CDH13: variants seen among roughly 807,000 people sequenced by gnomAD.
CDH13 encodes the protein cadherin 13.
In CDH13, 24 loss-of-function variants were observed where a neutral mutation model predicts 63.8. The ratio of observed to expected loss-of-function variants is 0.38; its 90% CI spans 0.27 to 0.53. The LOEUF is 0.53. Among genes scored for constraint, CDH13 ranks in the 20% least tolerant of loss-of-function variants. CDH13 has a pLI of 0.85. For synonymous variants in CDH13, 503 were observed against 355.3 expected (o/e 1.42, Z -4.67); for missense variants, 1,049 against 903.1 (o/e 1.16, Z -2.07).
At chr16:83,388,983 G>C (rs918692591) in intron 6 of CDH13, among the ~76,000 whole-genome samples, 5 of 152,150 alleles carry the variant, frequency 3.3e-5, no homozygotes, top group Non-Finnish European at 7.4e-5. Flanking sequence ...CAGGGCGCTT[G>C]TGAAAAACCC....
intron 6 of CDH13, among the ~76,000 whole-genome samples, chr16:83,479,959 A>G (rs1358198838): frequency 2.0e-5 from 3 of 152,202 alleles, no homozygotes; most frequent in Non-Finnish European, 4.4e-5. Flanking sequence ...GTTAATGGAA[A>G]CACAAGAGGC....
intron 1 of CDH13, among the ~76,000 whole-genome samples, chr16:82,795,416 A>G (rs62036786): frequency 0.036 from 5,413 of 152,220 alleles, 155 homozygotes; most frequent in Admixed American, 0.061. Context: ...CAATGCATCA[A>G]CCTGGGCCCG....
intron 5 of CDH13, among the ~76,000 whole-genome samples, chr16:83,253,291 C>T (rs1030855743): frequency 2.5e-4 from 38 of 152,118 alleles, no homozygotes; most frequent in African/African-American, 8.4e-4. Context: ...GCTGCTAGGG[C>T]GGGGTACCTG....
At chr16:82,672,015 C>G (rs559660287) in intron 1 of CDH13, among the ~76,000 whole-genome samples, 1 of 152,234 alleles carries the variant, frequency 6.6e-6, no homozygotes, top group East Asian at 1.9e-4. Flanking sequence ...GGCATCATTT[C>G]CAGAATGCCC....
At chr16:82,735,153 G>A (rs1349808231) in intron 1 of CDH13, among the ~76,000 whole-genome samples, 1 of 152,182 alleles carries the variant, frequency 6.6e-6, no homozygotes, top group Non-Finnish European at 1.5e-5. Flanking sequence ...AAGCCAAGGG[G>A]AAAGGCTTCA....
chr16:82,826,108 G>C (rs1241172113), intron 1 of CDH13: 1 of 152,152 alleles, frequency 6.6e-6, no homozygotes, highest in Non-Finnish European at 1.5e-5. Flanking sequence ...GCCCACCTCA[G>C]CCTCCCAAAG....
intron 4 of CDH13, among the ~76,000 whole-genome samples, chr16:83,216,449 A>AT (rs2039532664): frequency 3.5e-5 from 1 of 28,742 alleles, no homozygotes; most frequent in Non-Finnish European, 9.5e-5. Context: ...TATATACACA[A>AT]CCCTAATTTG....
rs944147823 is a variant in CDH13, at chr16:83,052,498, T to C, written c.366+20280T>C. On this transcript the variant is annotated intron_variant, in intron 3 of 13. Coordinates refer to ENST00000567109, the MANE Select transcript of CDH13 (RefSeq NM_001257.5). ...AATGGAACTTTCAGAAATAAAACCT[T>C]GGCTGTTGTGGTGGCTCACGCCTGT... is the stretch of plus-strand genomic sequence containing the variant. 2.3e-4 allele frequency among the ~76,000 whole-genome samples: 35 copies of C among 152,158 alleles called. 1 individual carries two copies. Among genetic ancestry groups the C allele is most frequent in the African/African-American group, 8.4e-4 (35 of 41,528 alleles).
chr16:82,850,385 G>T (rs1179667813), intron 1 of CDH13, among the ~76,000 whole-genome samples: 1 of 152,240 alleles, frequency 6.6e-6, no homozygotes, highest in Non-Finnish European at 1.5e-5. Context: ...GCTTGAATAT[G>T]TGTGTGAATT....
intron 7 of CDH13, among the ~76,000 whole-genome samples, chr16:83,515,296 A>G (rs895107386): frequency 6.6e-6 from 1 of 152,150 alleles, no homozygotes; most frequent in African/African-American, 2.4e-5. Flanking sequence ...AACCACCACT[A>G]CAAAATTCAT....
At chr16:82,799,126 C>A (rs8057489) in intron 1 of CDH13, among the ~76,000 whole-genome samples, 38,884 of 151,992 alleles carry the variant, frequency 0.26, 5,890 homozygotes, top group South Asian at 0.41. Context: ...AATTATATAT[C>A]CCCCTAAAAT....
At chr16:83,761,630 C>G (rs1045113831) in intron 11 of CDH13, among the ~76,000 whole-genome samples, 1 of 152,188 alleles carries the variant, frequency 6.6e-6, no homozygotes, top group Admixed American at 6.5e-5. Flanking sequence ...AACTCCGAGA[C>G]TGGCACGAGA....
intron 2 of CDH13, among the ~76,000 whole-genome samples, chr16:82,947,475 T>C (rs904322470): frequency 6.6e-6 from 1 of 152,218 alleles, no homozygotes; most frequent in Non-Finnish European, 1.5e-5. Flanking sequence ...TTAACTACGA[T>C]AATTATCTTA....
intron 1 of CDH13, among the ~76,000 whole-genome samples, chr16:82,683,942 C>T (rs1396564649): frequency 1.3e-5 from 2 of 152,224 alleles, no homozygotes; most frequent in Non-Finnish European, 2.9e-5. Context: ...AAACATGACA[C>T]ATTAACCTTT....
chr16:83,142,860 T>C (rs1171685597), intron 4 of CDH13, among the ~76,000 whole-genome samples: 1 of 152,116 alleles, frequency 6.6e-6, no homozygotes, highest in Non-Finnish European at 1.5e-5. Flanking sequence ...CCCAGCCCTT[T>C]GGGAGGCCGA....
At chr16:83,142,018 T>A (rs1426883758) in intron 4 of CDH13, among the ~76,000 whole-genome samples, 1 of 152,188 alleles carries the variant, frequency 6.6e-6, no homozygotes, top group Non-Finnish European at 1.5e-5. Flanking sequence ...AGTGGGGATG[T>A]ACCAGTACAA....
intron 2 of CDH13, among the ~76,000 whole-genome samples, chr16:82,900,940 G>C (rs1017600814): frequency 6.6e-6 from 1 of 152,168 alleles, no homozygotes; most frequent in Non-Finnish European, 1.5e-5. Context: ...CCAGGAATGG[G>C]GCCTTCATGG....
intron 6 of CDH13, among the ~76,000 whole-genome samples, chr16:83,464,277 C>A (rs1452877919): frequency 6.6e-6 from 1 of 152,012 alleles, no homozygotes; most frequent in Non-Finnish European, 1.5e-5. Flanking sequence ...CTTTGGGAGG[C>A]CAAGGTGGGT....
chr16:82,851,481 T>C (rs1410670966), intron 1 of CDH13, among the ~76,000 whole-genome samples: 1 of 150,544 alleles, frequency 6.6e-6, no homozygotes. Flanking sequence ...AAAGCAACAA[T>C]GGGACCGACG....
Sources: gnomAD v4.1 joint callset for allele counts (sites outside exome capture counted in the v4.1 genomes callset) on GRCh38, gnomAD v4.1.1 for gene constraint, MANE v1.5 for transcripts, NCBI Gene and HGNC (gene_info 2026-07-23, HGNC 2026-07-21) for gene names.